The following SULT1C3 variants were observed in gnomAD, a reference collection of about 807,000 sequenced individuals.
SULT1C3 encodes sulfotransferase family 1C member 3.
In SULT1C3, 31 loss-of-function variants were observed where a neutral mutation model predicts 28.4. The ratio of observed to expected loss-of-function variants is 1.09; its 90% CI spans 0.82 to 1.47. The LOEUF (loss-of-function observed/expected upper bound fraction) is 1.47, where lower values mean the gene tolerates loss of function less well. SULT1C3 is among the 40% of genes most tolerant of loss of function. The probability of loss-of-function intolerance (pLI) is 0.00; values close to 1 mark genes in which losing one functional copy is unlikely to be tolerated. For synonymous variants in SULT1C3, 106 were observed against 92.2 expected (o/e 1.15, Z -0.86); for missense variants, 307 against 272.5 (o/e 1.13, Z -0.89).
chr2:108,244,694 C>G (rs1675538465), intron 1 of SULT1C3, among the ~76,000 whole-genome samples: 1 of 152,150 alleles, frequency 6.6e-6, no homozygotes, highest in South Asian at 2.1e-4. Flanking sequence ...GTCAGAAAAT[C>G]AGCCTAAGTC....
chr2:108,250,017 A>C (rs1395074614), intron 2 of SULT1C3, among the ~76,000 whole-genome samples: 1 of 152,082 alleles, frequency 6.6e-6, no homozygotes, highest in Non-Finnish European at 1.5e-5. Context: ...TAGGTTAGGC[A>C]ACAATAATTT....
chr2:108,245,960 T>C (rs1003050169), intron 1 of SULT1C3, among the ~76,000 whole-genome samples: 2 of 152,188 alleles, frequency 1.3e-5, no homozygotes, highest in Admixed American at 6.5e-5. Context: ...GCTCAGAAAT[T>C]TATTCCACCA....
At chr2:108,260,286 G>GC (rs1239577201) in intron 7 of SULT1C3, among the ~76,000 whole-genome samples, 3 of 152,134 alleles carry the variant, frequency 2.0e-5, no homozygotes, top group Non-Finnish European at 4.4e-5. Flanking sequence ...GTACACTAGA[G>GC]CCAGGAGTGT....
At chr2:108,241,324 G>A (rs1055000495) in intron 1 of SULT1C3, among the ~76,000 whole-genome samples, 4 of 152,244 alleles carry the variant, frequency 2.6e-5, no homozygotes, top group Non-Finnish European at 4.4e-5. Flanking sequence ...ATTGCCGTAA[G>A]TTAAGAGTAC....
chr2:108,241,320 GTAAGT>G (rs1359930181), intron 1 of SULT1C3, among the ~76,000 whole-genome samples: 2 of 152,184 alleles, frequency 1.3e-5, no homozygotes, highest in Non-Finnish European at 2.9e-5. Context: ...CTATATTGCC[GTAAGT>G]TAAGAGTACT....
intron 1 of SULT1C3, among the ~76,000 whole-genome samples, chr2:108,242,865 C>CA (rs1168636390): frequency 6.6e-6 from 1 of 151,790 alleles, no homozygotes; most frequent in East Asian, 1.9e-4. Flanking sequence ...AGTGGTAAGA[C>CA]AAAAAATAGA....
intron 4 of SULT1C3, 89 bp from the exon 5 acceptor site, chr2:108,255,483 T>C (rs1228364276): frequency 3.5e-6 from 5 of 1,430,416 alleles, no homozygotes; most frequent in East Asian, 2.3e-5. Context: ...TTATAGGATA[T>C]GGTTACCATT....
At chr2:108,252,645 T>A in intron 3 of SULT1C3, 152 bp downstream of exon 3, 2 of 909,528 alleles carry the variant, frequency 2.2e-6, no homozygotes, top group Non-Finnish European at 3.2e-6. Flanking sequence ...AACTCTAGAT[T>A]GGGTCTTCAG....
intron 2 of SULT1C3, among the ~76,000 whole-genome samples, chr2:108,249,734 T>C (rs1415904643): frequency 6.6e-6 from 1 of 152,046 alleles, no homozygotes; most frequent in Admixed American, 6.6e-5. Context: ...AACTGACAAA[T>C]TGATTCCAAG....
chr2:108,251,637 G>T (rs1675728172), intron 2 of SULT1C3, among the ~76,000 whole-genome samples: 1 of 151,974 alleles, frequency 6.6e-6, no homozygotes, highest in Non-Finnish European at 1.5e-5. Context: ...GTACTGTGAA[G>T]AAATAATCAG....
At chr2:108,245,065 G>A (rs575456983) in intron 1 of SULT1C3, among the ~76,000 whole-genome samples, 7 of 152,130 alleles carry the variant, frequency 4.6e-5, no homozygotes, top group South Asian at 2.1e-4. Context: ...CCTTCCTTTC[G>A]GTATTGTGAT....
In SULT1C3 at chr2:108,259,477, C is replaced by T. The variant is rs117918237; in HGVS notation, c.802+331C>T. Among the ~76,000 whole-genome samples the T allele has an allele frequency of 2.3e-3, 347 of 152,162 alleles. 7 individuals are homozygous for T. The East Asian group carries it at 0.036, about 16-fold the overall frequency. On this transcript the variant is annotated intron_variant, in intron 7 of 7. Transcript: ENST00000681802. Reference sequence around the variant, plus strand: ...GGTGCTGGTCACTTTGATTACAATACCCACCTCAACCATGAACTTCCCTTT... The same window carrying T: ...GGTGCTGGTCACTTTGATTACAATATCCACCTCAACCATGAACTTCCCTTT...
Position 108,254,459 on chromosome 2 carries a change from C to T in SULT1C3, c.399+1017C>T, listed in dbSNP as rs189094887. Among the ~76,000 whole-genome samples, 75 of 152,042 alleles carry T rather than the reference C, an allele frequency of 4.9e-4. No homozygotes were observed. In the Middle Eastern group the frequency reaches 0.01, roughly 21 times the overall value. On this transcript the variant is annotated intron_variant, in intron 4 of 7. Coordinates refer to ENST00000681802, the MANE Select transcript of SULT1C3 (RefSeq NM_001320878.2). Reference sequence around the variant, plus strand: ...TATTGGGGTATCTGTGCATGTGTTTCCCCATCATTTTGTTCACCACATTGC... The same window carrying T: ...TATTGGGGTATCTGTGCATGTGTTTTCCCATCATTTTGTTCACCACATTGC...
intron 7 of SULT1C3, among the ~76,000 whole-genome samples, chr2:108,259,563 C>A (rs1675965801): frequency 6.6e-6 from 1 of 152,078 alleles, no homozygotes; most frequent in Non-Finnish European, 1.5e-5. Flanking sequence ...CCCTGTAGTT[C>A]AAAACCCTAG....
chr2:108,242,004 A>C (rs1417755834), intron 1 of SULT1C3, among the ~76,000 whole-genome samples: 1 of 151,568 alleles, frequency 6.6e-6, no homozygotes, highest in Non-Finnish European at 1.5e-5. Flanking sequence ...GGATCCTAGG[A>C]CCCAGACAGA....
In SULT1C3 at chr2:108,253,438, G is replaced by A; in HGVS notation, c.395G>A (p.Cys132Tyr). 1 of 1,537,374 alleles carries A rather than the reference G, an allele frequency of 6.5e-7. No individual in the cohort carries two copies. Among genetic ancestry groups the A allele is most frequent in the Non-Finnish European group, 8.8e-7 (1 of 1,138,154 alleles). Residue 132 changes from cysteine (C) to tyrosine (Y), a missense_variant, in exon 4 of 8, where the codon TGC (cysteine) becomes TAC (tyrosine). Coordinates refer to ENST00000681802, the MANE Select transcript of SULT1C3 (RefSeq NM_001320878.2). ...LIPPSIWKEN[C>Y]KIVYVARNPK... The stretch of plus-strand genomic sequence containing the variant: ...CCACCATCTATCTGGAAAGAAAACT[G>A]CAAGGTATAAAGAGGGGGCTTTTCA...
At chr2:108,245,937 G>A (rs1675567027) in intron 1 of SULT1C3, among the ~76,000 whole-genome samples, 1 of 152,114 alleles carries the variant, frequency 6.6e-6, no homozygotes, top group Non-Finnish European at 1.5e-5. Context: ...AGTCACCTCT[G>A]GAATTATTTG....
downstream of SULT1C3, among the ~76,000 whole-genome samples, chr2:108,262,614 G>A (rs559528132): frequency 7.9e-5 from 12 of 152,280 alleles, no homozygotes; most frequent in African/African-American, 1.4e-4. Context: ...ATGAAAGTTC[G>A]TAAAAGCTAC....
chr2:108,264,904 A>G (rs1573230180), downstream of SULT1C3: 4 of 1,613,976 alleles, frequency 2.5e-6, no homozygotes, highest in South Asian at 3.3e-5. Flanking sequence ...AAAATCATCT[A>G]TCACACCTCC....
Sources: allele counts gnomAD v4.1 joint callset (sites outside exome capture counted in the v4.1 genomes callset), GRCh38; gene constraint gnomAD v4.1.1; transcripts MANE v1.5; gene names NCBI Gene and HGNC (gene_info 2026-07-23, HGNC 2026-07-21).